NADK2: variants seen among roughly 807,000 people sequenced by gnomAD.
NADK2 encodes the protein NAD kinase 2, mitochondrial.
A neutral mutation model predicts 62.1 loss-of-function variants in NADK2; 35 were observed. That is an observed-to-expected ratio of 0.56 (90% confidence interval 0.43 to 0.75). The LOEUF is 0.75. Among genes scored for constraint, NADK2 ranks in the 30% least tolerant of loss-of-function variants. NADK2 has a pLI of 0.00. For missense variants in NADK2, 439 were observed against 561.3 expected (o/e 0.78, Z 2.20); for synonymous variants, 205 against 207.9 (o/e 0.99, Z 0.12).
chr5:36,228,687 C>T (rs1316382120), intron 1 of NADK2, among the ~76,000 whole-genome samples: 5 of 151,492 alleles, frequency 3.3e-5, no homozygotes, highest in African/African-American at 1.2e-4. Flanking sequence ...AGTGTGATCT[C>T]AGCTTACTGC....
chr5:36,237,499 G>A (rs1747953142), intron 1 of NADK2, among the ~76,000 whole-genome samples: 1 of 152,162 alleles, frequency 6.6e-6, no homozygotes, highest in Admixed American at 6.5e-5. Context: ...GGACAAAACT[G>A]AATGACAAAT....
At chr5:36,231,263 T>A (rs571535264) in intron 1 of NADK2, among the ~76,000 whole-genome samples, 1 of 152,264 alleles carries the variant, frequency 6.6e-6, no homozygotes, top group Non-Finnish European at 1.5e-5. Context: ...TTTGGAGAAC[T>A]AACAAAAAAC....
chr5:36,233,324 G>A (rs1579638039), intron 1 of NADK2, among the ~76,000 whole-genome samples: 1 of 152,024 alleles, frequency 6.6e-6, no homozygotes. Flanking sequence ...TTCATACAAC[G>A]TCCAAAATGC....
chr5:36,213,361 T>C (rs559848266), intron 6 of NADK2, among the ~76,000 whole-genome samples: 1 of 152,262 alleles, frequency 6.6e-6, no homozygotes, highest in African/African-American at 2.4e-5. Flanking sequence ...CAAGACAACA[T>C]TGATCTATTC....
chr5:36,195,476 C>T (rs1746197213), intron 11 of NADK2, among the ~76,000 whole-genome samples, 194 bp from the exon 12 acceptor site: 2 of 152,082 alleles, frequency 1.3e-5, no homozygotes, highest in Non-Finnish European at 2.9e-5. Context: ...TGGCACCATT[C>T]GCTCAAGCAT....
intron 9 of NADK2, 39 bp from the exon 10 acceptor site, chr5:36,200,319 T>A: frequency 7.4e-7 from 1 of 1,346,436 alleles, no homozygotes; most frequent in Non-Finnish European, 1.0e-6. Flanking sequence ...ATGTTATAAA[T>A]ATATATATCT....
At chr5:36,207,075 C>T in intron 8 of NADK2, 95 bp downstream of exon 8, 1 of 927,438 alleles carries the variant, frequency 1.1e-6, no homozygotes, top group Non-Finnish European at 1.7e-6. Context: ...ACCACCAGGA[C>T]ACCTCTTGCA....
At chr5:36,216,858 T>C (rs971095036) in intron 6 of NADK2, among the ~76,000 whole-genome samples, 1 of 152,154 alleles carries the variant, frequency 6.6e-6, no homozygotes, top group African/African-American at 2.4e-5. Context: ...TTAATAGTTA[T>C]TGCAGACTTT....
intron 10 of NADK2, among the ~76,000 whole-genome samples, chr5:36,198,558 C>T (rs1371223972): frequency 6.8e-6 from 1 of 147,724 alleles, no homozygotes; most frequent in African/African-American, 2.5e-5. Flanking sequence ...GGTATGTTTA[C>T]TAAAAGAAGA....
chr5:36,192,786 A>G lies in NADK2; in HGVS notation c.*2358T>C, dbSNP rs1385191771. ...AACAGGGCACAGAATAATAATACACAGCAGTGGGGAAACACTTCTGAAACA... is the reference window on the plus strand; with the variant it reads ...AACAGGGCACAGAATAATAATACACGGCAGTGGGGAAACACTTCTGAAACA... On this transcript the variant is annotated 3_prime_UTR_variant, in exon 12 of 12. Transcript: ENST00000381937. The G allele has an allele frequency of 2.0e-5, 3 of 152,236 alleles. No individual in the cohort carries two copies. The highest frequency in any genetic ancestry group is 4.4e-5 in the Non-Finnish European group (3 of 68,050). The allele number at this position is 152,236 out of a possible 1,614,324, so 9.4% of individuals were successfully genotyped here. A position where few individuals can be genotyped will look rare whatever the true frequency, so the allele number is the denominator to read the frequency against.
Position 36,241,482 on chromosome 5 carries a change from GCCGAGCCAGGA to G in NADK2, c.300+6_300+16del. The G allele has an allele frequency of 6.6e-7, 1 of 1,521,914 alleles. No homozygotes were observed. The highest frequency in any genetic ancestry group is 8.8e-7 in the Non-Finnish European group (1 of 1,141,932). 94.3% of individuals were successfully genotyped at this position (1,521,914 alleles called of 1,614,324 possible). Reference sequence around the variant, plus strand: ...CGGCCGAGCCCGGGAGCGAAGCGGGGCCGAGCCAGGACCCACCAGCTGCTTCAGGTCCTCCT... The same window carrying G: ...CGGCCGAGCCCGGGAGCGAAGCGGGGCCCACCAGCTGCTTCAGGTCCTCCT... On this transcript the variant is annotated splice_donor_region_variant and intron_variant, in intron 1 of 11. Coordinates refer to ENST00000381937, the MANE Select transcript of NADK2 (RefSeq NM_001085411.3). The surrounding 1 kb of genome is among the most constrained non-coding windows in gnomAD (Gnocchi z 4.9).
chr5:36,238,998 T>A (rs1203834619), intron 1 of NADK2, among the ~76,000 whole-genome samples: 1 of 152,120 alleles, frequency 6.6e-6, no homozygotes, highest in Non-Finnish European at 1.5e-5. Context: ...CTATCCTTCA[T>A]CTTCCATTTG....
chr5:36,222,967 G>A (rs1747331851), intron 4 of NADK2, among the ~76,000 whole-genome samples: 1 of 152,286 alleles, frequency 6.6e-6, no homozygotes, highest in Admixed American at 6.5e-5. Context: ...CAAAGTAGAG[G>A]CCAGTGTGGC....
intron 7 of NADK2, among the ~76,000 whole-genome samples, chr5:36,210,472 T>C (rs1746799932): frequency 6.6e-6 from 1 of 151,258 alleles, no homozygotes; most frequent in South Asian, 2.1e-4. Flanking sequence ...ACTTGCCTTA[T>C]GATGTGTTAC....
intron 3 of NADK2, 119 bp from the exon 4 acceptor site, chr5:36,225,742 C>T: frequency 1.4e-6 from 1 of 718,050 alleles, no homozygotes; most frequent in Non-Finnish European, 2.3e-6. Context: ...ACCGCTATAG[C>T]CTATCCCACT....
chr5:36,196,429 C>G (rs1206746421), intron 11 of NADK2, among the ~76,000 whole-genome samples: 1 of 152,042 alleles, frequency 6.6e-6, no homozygotes, highest in Non-Finnish European at 1.5e-5. Context: ...TGAATATCAC[C>G]TTTTGTGAAA....
chr5:36,199,499 G>T (rs1054624500), intron 10 of NADK2, among the ~76,000 whole-genome samples: 1 of 152,038 alleles, frequency 6.6e-6, no homozygotes, highest in Non-Finnish European at 1.5e-5. Context: ...ACTTTGAGGT[G>T]TGTACAAGAA....
At chr5:36,197,405 T>A (rs1347379231) in intron 11 of NADK2, 136 bp downstream of exon 11, 1 of 1,122,590 alleles carries the variant, frequency 8.9e-7, no homozygotes, top group African/African-American at 1.6e-5. Context: ...CCTTGTTACT[T>A]TCACAGGTTC....
intron 10 of NADK2, among the ~76,000 whole-genome samples, chr5:36,198,361 T>C (rs1746311187): frequency 6.6e-6 from 1 of 151,828 alleles, no homozygotes; most frequent in South Asian, 2.1e-4. Context: ...AAAAAAAATC[T>C]AATTCACCCA....
Sources: gnomAD v4.1 joint callset for allele counts (sites outside exome capture counted in the v4.1 genomes callset) on GRCh38, gnomAD v4.1.1 for gene constraint, Gnocchi (gnomAD v3.1) non-coding constraint, MANE v1.5 for transcripts, NCBI Gene and HGNC (gene_info 2026-07-23, HGNC 2026-07-21) for gene names.